Variants in PRSS3 observed in about 807,000 individuals in gnomAD.
PRSS3 encodes the protein trypsin-3.
Under a neutral mutation model 20.8 loss-of-function variants are expected in PRSS3, and 14 were observed. The ratio of observed to expected loss-of-function variants is 0.67; its 90% CI spans 0.44 to 1.05. The LOEUF (loss-of-function observed/expected upper bound fraction) is 1.05. Ranked by LOEUF, PRSS3 falls within the 50% of genes least tolerant of loss-of-function variation. PRSS3 has a pLI of 0.00. For missense variants in PRSS3, 237 were observed against 306.4 expected (o/e 0.77, Z 1.69); for synonymous variants, 91 against 117.6 (o/e 0.77, Z 1.46).
In PRSS3 at chr9:33,788,923, T is replaced by G. The variant is rs1473646272; in HGVS notation, c.-52-5823T>G. On this transcript the variant is annotated intron_variant, in intron 1 of 5. Transcript: ENST00000342836. ...TTAGTTTACTAATTCACACCTCAGCTCCAGTAAGCCTCTAATTTAATCTTT... is the reference window on the plus strand; with the variant it reads ...TTAGTTTACTAATTCACACCTCAGCGCCAGTAAGCCTCTAATTTAATCTTT... Among the ~76,000 whole-genome samples the G allele has an allele frequency of 2.1e-4, 32 of 152,338 alleles. 1 individual carries two copies. The highest frequency in any genetic ancestry group is 4.4e-5 in the Non-Finnish European group (3 of 68,032).
intron 1 of PRSS3, among the ~76,000 whole-genome samples, chr9:33,751,205 C>A (rs1002444073): frequency 6.6e-6 from 1 of 152,228 alleles, no homozygotes; most frequent in Non-Finnish European, 1.5e-5. Flanking sequence ...TCACAGCTCA[C>A]ATAGCTCTGG....
chr9:33,791,867 G>A (rs1824646668), upstream of PRSS3, among the ~76,000 whole-genome samples: 1 of 152,120 alleles, frequency 6.6e-6, no homozygotes, highest in Admixed American at 6.5e-5. Context: ...CTTCCCTCCG[G>A]GCATAAAACT....
chr9:33,795,714 A>G, intron 1 of PRSS3, 101 bp downstream of exon 1: 2 of 1,410,798 alleles, frequency 1.4e-6, no homozygotes, highest in South Asian at 2.3e-5. Flanking sequence ...GCGCTCTGAT[A>G]TTCTATTTCC....
chr9:33,771,574 G>T (rs754670110), intron 1 of PRSS3, among the ~76,000 whole-genome samples: 1 of 149,968 alleles, frequency 6.7e-6, no homozygotes, highest in African/African-American at 2.4e-5. Context: ...CAATCCGCCC[G>T]CCTCAGCCTC....
intron 4 of PRSS3, 183 bp downstream of exon 4, chr9:33,798,805 T>C (rs1825170964): frequency 8.7e-7 from 1 of 1,143,380 alleles, no homozygotes; most frequent in Non-Finnish European, 1.2e-6. Context: ...ACGAGGAAGG[T>C]GGCGGGGCTG....
chr9:33,763,151 T>G (rs1430489513), intron 1 of PRSS3, among the ~76,000 whole-genome samples: 2 of 152,236 alleles, frequency 1.3e-5, no homozygotes, highest in African/African-American at 4.8e-5. Context: ...TTCGGTTTCC[T>G]TTAGGAAGAT....
intron 1 of PRSS3, among the ~76,000 whole-genome samples, chr9:33,767,459 G>A (rs991715712): frequency 6.6e-6 from 1 of 152,144 alleles, no homozygotes; most frequent in Non-Finnish European, 1.5e-5. Flanking sequence ...TGGAGACAGG[G>A]TCTTTAAAGA....
At chr9:33,794,408 G>C (rs187384847), upstream of PRSS3, among the ~76,000 whole-genome samples, 612 of 152,306 alleles carry the variant, frequency 4.0e-3, 4 homozygotes, top group Non-Finnish European at 7.0e-3. Flanking sequence ...ACTCTGGCCA[G>C]GTTGTGCCTC....
At chr9:33,752,664 C>G (rs989850882) in intron 1 of PRSS3, among the ~76,000 whole-genome samples, 1 of 152,190 alleles carries the variant, frequency 6.6e-6, no homozygotes, top group Non-Finnish European at 1.5e-5. Flanking sequence ...CCCTTTTAAC[C>G]AGCCAGCCCT....
At chr9:33,767,748 C>T (rs1823499854) in intron 1 of PRSS3, among the ~76,000 whole-genome samples, 1 of 152,056 alleles carries the variant, frequency 6.6e-6, no homozygotes, top group Non-Finnish European at 1.5e-5. Flanking sequence ...TCACTTGAAC[C>T]CAGGAGGCAG....
At chr9:33,762,854 T>C (rs540118909) in intron 1 of PRSS3, among the ~76,000 whole-genome samples, 1 of 152,268 alleles carries the variant, frequency 6.6e-6, no homozygotes, top group Non-Finnish European at 1.5e-5. Flanking sequence ...TCCCCTATTA[T>C]TGCGGGAATA....
intron 2 of PRSS3, among the ~76,000 whole-genome samples, chr9:33,797,346 G>T (rs1383946233): frequency 1.3e-5 from 2 of 152,244 alleles, no homozygotes; most frequent in African/African-American, 2.4e-5. Context: ...TAAGGACCAA[G>T]AATTTACATT....
At chr9:33,793,908 T>C (rs536097763), upstream of PRSS3, among the ~76,000 whole-genome samples, 322 of 152,394 alleles carry the variant, frequency 2.1e-3, no homozygotes, top group African/African-American at 6.9e-3. Flanking sequence ...TGAAAACTCT[T>C]GTAAAGCTGT....
intron 1 of PRSS3, among the ~76,000 whole-genome samples, chr9:33,784,063 CAATA>C (rs1169803001): frequency 4.6e-5 from 7 of 151,966 alleles, no homozygotes; most frequent in African/African-American, 1.7e-4. Context: ...TGTATTAATT[CAATA>C]AATAAACACA....
At chr9:33,770,258 C>T (rs1823625563) in intron 1 of PRSS3, among the ~76,000 whole-genome samples, 1 of 152,134 alleles carries the variant, frequency 6.6e-6, no homozygotes, top group South Asian at 2.1e-4. Context: ...AATGTCTATA[C>T]TCTGCCTGTC....
chr9:33,751,635 A>G (rs1345224238), intron 1 of PRSS3, among the ~76,000 whole-genome samples: 3 of 152,030 alleles, frequency 2.0e-5, no homozygotes, highest in African/African-American at 7.2e-5. Context: ...CTCCTCCCGC[A>G]CCTTTTTGTC....
chr9:33,787,236 C>T (rs1429765841), intron 1 of PRSS3, among the ~76,000 whole-genome samples: 1 of 152,084 alleles, frequency 6.6e-6, no homozygotes, highest in East Asian at 1.9e-4. Context: ...TTTGGAAGAA[C>T]TTTAGTCATC....
At chr9:33,787,810 G>C (rs761720133) in intron 1 of PRSS3, among the ~76,000 whole-genome samples, 1 of 152,168 alleles carries the variant, frequency 6.6e-6, no homozygotes, top group Non-Finnish European at 1.5e-5. Context: ...ACTGCATCTT[G>C]GGCTACACTT....
At chr9:33,779,904 CA>C (rs1824110709) in intron 1 of PRSS3, among the ~76,000 whole-genome samples, 2 of 74,232 alleles carry the variant, frequency 2.7e-5, no homozygotes, top group Non-Finnish European at 5.5e-5. Flanking sequence ...AAACCTCTAA[CA>C]AATATAGGAT....
Sources: gnomAD v4.1 joint callset for allele counts (sites outside exome capture counted in the v4.1 genomes callset) on GRCh38, gnomAD v4.1.1 for gene constraint, MANE v1.5 for transcripts, NCBI Gene and HGNC (gene_info 2026-07-23, HGNC 2026-07-21) for gene names.